Variants in PPP2R2B observed in about 807,000 individuals in gnomAD.
The protein encoded by PPP2R2B is protein phosphatase 2 regulatory subunit Bbeta, also known as serine/threonine-protein phosphatase 2A 55 kDa regulatory subunit B beta isoform.
Under a neutral mutation model 46.0 loss-of-function variants are expected in PPP2R2B, and 5 were observed. The observed-to-expected ratio is 0.11, with a 90% CI of 0.06 to 0.23. PPP2R2B has a LOEUF of 0.23. Ranked by LOEUF, PPP2R2B falls within the 10% of genes least tolerant of loss-of-function variation. PPP2R2B has a pLI of 1.00. For missense variants in PPP2R2B, 367 were observed against 575.0 expected, an observed-to-expected ratio of 0.64 and a Z score of 3.70; for synonymous variants, 215 against 206.7, an observed-to-expected ratio of 1.04 and a Z score of -0.34.
intron 1 of PPP2R2B, among the ~76,000 whole-genome samples, chr5:147,019,500 C>T (rs944482996): frequency 2.0e-5 from 3 of 152,126 alleles, no homozygotes; most frequent in African/African-American, 7.2e-5. Context: ...TTTTAGATTT[C>T]ACAATGACCT....
intron 2 of PPP2R2B, among the ~76,000 whole-genome samples, chr5:146,867,234 G>C (rs776283580): frequency 1.3e-5 from 2 of 152,136 alleles, no homozygotes; most frequent in Non-Finnish European, 2.9e-5. Context: ...TTGCTTCTGC[G>C]ATATCTATGG....
chr5:146,707,046 C>T lies in PPP2R2B; in HGVS notation c.71-5904G>A, dbSNP rs920837776. 1.4e-5 allele frequency: 16 copies of T among 1,105,202 alleles called. No homozygotes were observed. In the African/African-American group the frequency reaches 1.5e-4, roughly 11 times the overall value. The allele number at this position is 1,105,202 out of a possible 1,614,324, so 68.5% of individuals were successfully genotyped here. A position where few individuals can be genotyped will look rare whatever the true frequency, so the allele number is the denominator to read the frequency against. The stretch of plus-strand genomic sequence containing the variant: ...TCTTGATGAGGACAAATTCATTCTC[C>T]GTCTCTGTACTCTTATTGATCTCAT... On this transcript the variant is annotated intron_variant, in intron 2 of 9. Coordinates refer to ENST00000394411, the MANE Select transcript of PPP2R2B (RefSeq NM_181675.4).
At chr5:146,683,040 A>G (rs909194506) in intron 5 of PPP2R2B, among the ~76,000 whole-genome samples, 3 of 152,154 alleles carry the variant, frequency 2.0e-5, no homozygotes, top group Admixed American at 2.0e-4. Flanking sequence ...GGCCAAGAAT[A>G]TGGCCGAGAA....
chr5:146,782,600 T>C (rs547343272), intron 2 of PPP2R2B, among the ~76,000 whole-genome samples: 1 of 152,368 alleles, frequency 6.6e-6, no homozygotes, highest in East Asian at 1.9e-4. Context: ...AGTCACATCA[T>C]ACATTGCAAA....
At chr5:146,660,202 A>G (rs150612781) in intron 5 of PPP2R2B, among the ~76,000 whole-genome samples, 63 of 152,338 alleles carry the variant, frequency 4.1e-4, no homozygotes, top group African/African-American at 1.4e-3. Flanking sequence ...ATTCAGTGTA[A>G]CAAACCAAAT....
At chr5:146,997,826 TA>T (rs543511889) in intron 1 of PPP2R2B, among the ~76,000 whole-genome samples, 8 of 152,078 alleles carry the variant, frequency 5.3e-5, no homozygotes, top group African/African-American at 1.4e-4. Flanking sequence ...AAGCCTTAGG[TA>T]AAAAAATTCA....
chr5:146,713,586 G>C (rs1191844562), intron 2 of PPP2R2B, among the ~76,000 whole-genome samples: 1 of 152,218 alleles, frequency 6.6e-6, no homozygotes, highest in Admixed American at 6.5e-5. Flanking sequence ...GGCTGAGGTA[G>C]AATTGGGAAG....
At chr5:147,077,455 C>T (rs1047107018) in intron 2 of PPP2R2B, among the ~76,000 whole-genome samples, 1 of 151,708 alleles carries the variant, frequency 6.6e-6, no homozygotes, top group East Asian at 1.9e-4. Context: ...ATAGAAAAAG[C>T]CATTAATAGG....
intron 1 of PPP2R2B, among the ~76,000 whole-genome samples, chr5:147,041,767 C>A (rs180841962): frequency 6.6e-6 from 1 of 152,194 alleles, no homozygotes; most frequent in Non-Finnish European, 1.5e-5. Flanking sequence ...ATTTGTTTAA[C>A]CCTTTTCTAC....
intron 1 of PPP2R2B, among the ~76,000 whole-genome samples, chr5:146,954,754 A>ATG (rs1298534321): frequency 9.1e-4 from 80 of 87,862 alleles, no homozygotes; most frequent in South Asian, 8.8e-3. Flanking sequence ...ATATGTGTAT[A>ATG]TATGTGTGTG....
chr5:146,964,472 C>G (rs183758105), intron 1 of PPP2R2B, among the ~76,000 whole-genome samples: 1 of 152,244 alleles, frequency 6.6e-6, no homozygotes, highest in Non-Finnish European at 1.5e-5. Flanking sequence ...CAGCCCGCAA[C>G]AGCCCACTCT....
At chr5:146,858,711 T>A (rs986222765) in intron 2 of PPP2R2B, among the ~76,000 whole-genome samples, 4 of 152,172 alleles carry the variant, frequency 2.6e-5, no homozygotes, top group Non-Finnish European at 4.4e-5. Flanking sequence ...GGTAGATATC[T>A]GTGAGTTAGA....
intron 2 of PPP2R2B, among the ~76,000 whole-genome samples, chr5:146,712,501 A>G (rs1780268443): frequency 6.6e-6 from 1 of 152,236 alleles, no homozygotes; most frequent in Non-Finnish European, 1.5e-5. Context: ...TATCCACTGA[A>G]AATCGGATAT....
At chr5:146,654,485 T>C (rs1413083854) in intron 5 of PPP2R2B, among the ~76,000 whole-genome samples, 2 of 152,224 alleles carry the variant, frequency 1.3e-5, no homozygotes, top group Admixed American at 6.5e-5. Flanking sequence ...GGAAAGGCTC[T>C]GTGGTGTATG....
chr5:146,956,077 C>T (rs889515019), intron 1 of PPP2R2B, among the ~76,000 whole-genome samples: 1 of 151,668 alleles, frequency 6.6e-6, no homozygotes, highest in African/African-American at 2.4e-5. Flanking sequence ...GAGCCTGGCC[C>T]AATAGTCTTC....
intron 1 of PPP2R2B, among the ~76,000 whole-genome samples, chr5:146,987,582 A>G (rs1753490095): frequency 6.6e-6 from 1 of 151,702 alleles, no homozygotes; most frequent in African/African-American, 2.4e-5. Context: ...TTATAGCTAT[A>G]CATTTTTTTA....
At chr5:146,904,323 T>G (rs1386003773) in intron 1 of PPP2R2B, among the ~76,000 whole-genome samples, 1 of 152,206 alleles carries the variant, frequency 6.6e-6, no homozygotes, top group East Asian at 1.9e-4. Context: ...AATGCAAGTT[T>G]ATTATATAAG....
chr5:146,850,992 C>A (rs921560082), intron 2 of PPP2R2B, among the ~76,000 whole-genome samples: 2 of 152,030 alleles, frequency 1.3e-5, no homozygotes, highest in Non-Finnish European at 2.9e-5. Context: ...GATTGGTCAC[C>A]CCAAGGATGA....
At chr5:146,709,797 A>T (rs560861826) in intron 2 of PPP2R2B, among the ~76,000 whole-genome samples, 3 of 152,290 alleles carry the variant, frequency 2.0e-5, no homozygotes, top group African/African-American at 7.2e-5. Context: ...AACCTACCTT[A>T]AGACAGCCTA....
Sources: allele counts gnomAD v4.1 joint callset (sites outside exome capture counted in the v4.1 genomes callset), GRCh38; gene constraint gnomAD v4.1.1; transcripts MANE v1.5; gene names NCBI Gene and HGNC (gene_info 2026-07-23, HGNC 2026-07-21).